DOCK5: variants seen among roughly 807,000 people sequenced by gnomAD.
DOCK5 encodes dedicator of cytokinesis 5.
DOCK5 carries 142 observed loss-of-function variants against 251.8 expected under a neutral mutation model. That is an observed-to-expected ratio of 0.56 (90% confidence interval 0.49 to 0.65). The LOEUF is 0.65. Ranked by LOEUF, DOCK5 falls within the 30% of genes least tolerant of loss-of-function variation. The pLI, the probability that DOCK5 is intolerant of heterozygous loss-of-function variation, is 0.00. For synonymous variants in DOCK5, 842 were observed against 835.5 expected, an observed-to-expected ratio of 1.01 and a Z score of -0.13; for missense variants, 2,111 against 2,312.3, an observed-to-expected ratio of 0.91 and a Z score of 1.79.
intron 10 of DOCK5, among the ~76,000 whole-genome samples, chr8:25,303,790 T>A (rs1804828197): frequency 6.6e-6 from 1 of 152,052 alleles, no homozygotes; most frequent in Non-Finnish European, 1.5e-5. Flanking sequence ...GGTGAAACTC[T>A]GTCTATACTA....
chr8:25,398,838 A>G (rs1279870140), intron 45 of DOCK5, among the ~76,000 whole-genome samples: 1 of 151,886 alleles, frequency 6.6e-6, no homozygotes, highest in Admixed American at 6.6e-5. Context: ...ATAGGGTCAC[A>G]TTCTAAGGTA....
At chr8:25,404,142 C>G (rs1420902231) in intron 48 of DOCK5, among the ~76,000 whole-genome samples, 1 of 152,204 alleles carries the variant, frequency 6.6e-6, no homozygotes, top group Non-Finnish European at 1.5e-5. Flanking sequence ...CCAGATGATG[C>G]TAACATTCAG....
rs189898444 is a variant in DOCK5 at position 25,290,488 on chromosome 8, A to G, written c.322-1536A>G. Among the ~76,000 whole-genome samples the G allele has an allele frequency of 4.1e-3, 630 of 152,356 alleles. 4 individuals carry two copies. Among genetic ancestry groups the G allele is most frequent in the Non-Finnish European group, 5.9e-3 (399 of 68,044 alleles). On this transcript the variant is annotated intron_variant, in intron 5 of 51. Transcript: ENST00000276440. ...TAAAATGATTGAAAAACAAATGATT[A>G]GTTAGTTGTAAGGTAATTTAGTTTG...
intron 3 of DOCK5, among the ~76,000 whole-genome samples, chr8:25,269,971 C>A (rs1803863780): frequency 6.6e-6 from 1 of 152,160 alleles, no homozygotes; most frequent in South Asian, 2.1e-4. Context: ...AGGAAAACAC[C>A]TTTCTACAAG....
At chr8:25,348,743 C>T (rs770223019) in intron 26 of DOCK5, among the ~76,000 whole-genome samples, 5 of 151,438 alleles carry the variant, frequency 3.3e-5, no homozygotes, top group African/African-American at 9.7e-5. Flanking sequence ...GAGGCTGAGG[C>T]GGGAGAATCA....
chr8:25,297,256 G>A (rs7816879), intron 7 of DOCK5, among the ~76,000 whole-genome samples: 2,759 of 150,242 alleles, frequency 0.018, 79 homozygotes, highest in African/African-American at 0.06. Context: ...CACCACACCC[G>A]GCTAATTTTT....
chr8:25,293,888 C>T (rs2117154417), intron 6 of DOCK5, among the ~76,000 whole-genome samples: 1 of 152,292 alleles, frequency 6.6e-6, no homozygotes, highest in South Asian at 2.1e-4. Context: ...CCTGTAATCC[C>T]AGCTACTTGG....
intron 30 of DOCK5, among the ~76,000 whole-genome samples, chr8:25,366,526 A>T (rs1248249681): frequency 2.0e-5 from 3 of 152,202 alleles, no homozygotes; most frequent in East Asian, 3.8e-4. Context: ...TCATCAGGAT[A>T]AAGTCCTAAA....
rs114819590 is a variant in DOCK5, at chr8:25,201,405, A to G, written c.43+16454A>G. Among the ~76,000 whole-genome samples, 940 of 152,382 alleles carry G rather than the reference A, an allele frequency of 6.2e-3. 7 individuals are homozygous for G. Among genetic ancestry groups the G allele is most frequent in the African/African-American group, 0.022 (896 of 41,592 alleles). On this transcript the variant is annotated intron_variant, in intron 1 of 51. Transcript: ENST00000276440. ...AGAACATTTATATACAATTATTTCT[A>G]TAGTCTAACAGTATCACTAACATTA...
chr8:25,299,097 A>G lies in DOCK5; in HGVS notation c.760A>G (p.Ile254Val). Residue 254 changes from isoleucine to valine, a missense_variant, in exon 8 of 52, where the codon ATC becomes GTC. Ile to Val is a conservative substitution (Grantham distance 29). Coordinates refer to ENST00000276440, the MANE Select transcript of DOCK5 (RefSeq NM_024940.8). The stretch of plus-strand genomic sequence containing the variant: ...CTACGACCCAGACCAGTCCACTTTT[A>G]TCAGGTAGCAGAGACCCACATCCCC... Reference protein sequence around the residue: ...ALYDPDQSTFISENYLIRWGS... With the variant: ...ALYDPDQSTFVSENYLIRWGS... 6 of 1,613,390 alleles carry G rather than the reference A, an allele frequency of 3.7e-6. No individual in the cohort carries two copies. Among genetic ancestry groups the G allele is most frequent in the Non-Finnish European group, 8.5e-7 (1 of 1,179,640 alleles).
At chr8:25,409,504 A>G (rs1481795858) in intron 50 of DOCK5, 3 of 157,036 alleles carry the variant, frequency 1.9e-5, no homozygotes, top group Admixed American at 1.8e-4. Context: ...GAATAATACC[A>G]TACATTCCAG....
At chr8:25,331,270 C>CACAT (rs1554487136) in intron 18 of DOCK5, among the ~76,000 whole-genome samples, 9 of 146,592 alleles carry the variant, frequency 6.1e-5, no homozygotes, top group African/African-American at 2.0e-4. Context: ...CACACACACA[C>CACAT]ATATATGTGT....
chr8:25,310,100 A>T (rs898946471), intron 12 of DOCK5, among the ~76,000 whole-genome samples: 5 of 152,068 alleles, frequency 3.3e-5, no homozygotes, highest in Non-Finnish European at 7.4e-5. Context: ...TTTCATGTAT[A>T]TATCTTTTTT....
chr8:25,395,971 C>A (rs547632009), intron 45 of DOCK5: 1 of 566,520 alleles, frequency 1.8e-6, no homozygotes, highest in African/African-American at 1.9e-5. Flanking sequence ...GTCAAAGCAC[C>A]TGTTATTCTG....
chr8:25,236,878 C>CATA (rs1333682832), intron 1 of DOCK5, among the ~76,000 whole-genome samples: 2 of 152,098 alleles, frequency 1.3e-5, no homozygotes, highest in Non-Finnish European at 2.9e-5. Flanking sequence ...GGATGACAGG[C>CATA]ATAAGCCACT....
At chr8:25,216,079 T>C (rs1802236021) in intron 1 of DOCK5, among the ~76,000 whole-genome samples, 1 of 151,632 alleles carries the variant, frequency 6.6e-6, no homozygotes, top group African/African-American at 2.4e-5. Context: ...TATACGTGTA[T>C]ACAACATATG....
chr8:25,358,480 T>C (rs1000611389), intron 27 of DOCK5, among the ~76,000 whole-genome samples: 7 of 152,116 alleles, frequency 4.6e-5, no homozygotes. Flanking sequence ...AGCCAAAGCA[T>C]ATCACAGGTA....
At chr8:25,287,320 G>A (rs762483225) in intron 5 of DOCK5, among the ~76,000 whole-genome samples, 22 of 152,092 alleles carry the variant, frequency 1.4e-4, no homozygotes, top group African/African-American at 4.8e-4. Context: ...CAGCTACTTG[G>A]GAGGCTGAGG....
At chr8:25,400,704 C>A (rs1801424311) in intron 46 of DOCK5, among the ~76,000 whole-genome samples, 2 of 152,088 alleles carry the variant, frequency 1.3e-5, no homozygotes, top group South Asian at 2.1e-4. Flanking sequence ...TCCCACAGTC[C>A]TTCCCCAGTT....
Sources: gnomAD v4.1 joint callset for allele counts (sites outside exome capture counted in the v4.1 genomes callset) on GRCh38, gnomAD v4.1.1 for gene constraint, MANE v1.5 for transcripts, NCBI Gene and HGNC (gene_info 2026-07-23, HGNC 2026-07-21) for gene names.